The following AGAP1 variants were observed in gnomAD, a reference collection of about 807,000 sequenced individuals.
AGAP1 encodes ArfGAP with GTPase domain, ankyrin repeat and PH domain 1, also known as arf-GAP with GTPase, ANK repeat and PH domain-containing protein 1.
In AGAP1, 29 loss-of-function variants were observed where a neutral mutation model predicts 105.3. That is an observed-to-expected ratio of 0.28 (90% CI 0.21 to 0.38). AGAP1 has a LOEUF of 0.38. Ranked by LOEUF, AGAP1 falls within the 10% of genes least tolerant of loss-of-function variation. The pLI, the probability that AGAP1 is intolerant of heterozygous loss-of-function variation, is 1.00. For synonymous variants in AGAP1, 509 were observed against 485.9 expected (o/e 1.05, Z -0.63); for missense variants, 998 against 1,165.1 (o/e 0.86, Z 2.09).
chr2:235,819,614 A>G (rs1446608728), intron 9 of AGAP1, among the ~76,000 whole-genome samples: 2 of 152,084 alleles, frequency 1.3e-5, no homozygotes, highest in African/African-American at 4.8e-5. Flanking sequence ...CCCGTGTCAG[A>G]TGCCTTCTGT....
rs528876449 is a variant in AGAP1 at position 235,716,661 on chromosome 2, G to A, written c.223-896G>A. 6.6e-6 allele frequency among the ~76,000 whole-genome samples: 1 copy of A among 152,164 alleles called. No individual in the cohort carries two copies. Among genetic ancestry groups the A allele is most frequent in the Non-Finnish European group, 1.5e-5 (1 of 68,038 alleles). On this transcript the variant is annotated intron_variant, in intron 2 of 17. Coordinates refer to ENST00000304032, the MANE Select transcript of AGAP1 (RefSeq NM_001037131.3). This position sits in a 1 kb window ranked among gnomAD's most constrained non-coding sequence, Gnocchi z 4.0. ...TAGTGGGGGAGGAAAAGGTTAAAATGCAGGAGATTTTTGATGAGCAGCTTC... is the reference window on the plus strand; with the variant it reads ...TAGTGGGGGAGGAAAAGGTTAAAATACAGGAGATTTTTGATGAGCAGCTTC...
At chr2:236,108,385 T>G (rs1039727717) in intron 16 of AGAP1, among the ~76,000 whole-genome samples, 2 of 152,150 alleles carry the variant, frequency 1.3e-5, no homozygotes, top group Non-Finnish European at 2.9e-5. Flanking sequence ...GCCCTTCCTC[T>G]CCTCCTTGTC....
intron 1 of AGAP1, among the ~76,000 whole-genome samples, chr2:235,562,063 T>C (rs1451709666): frequency 6.6e-6 from 1 of 152,146 alleles, no homozygotes; most frequent in Non-Finnish European, 1.5e-5. Flanking sequence ...GCTGAGAGAT[T>C]GGGGTATGTG....
At chr2:236,071,972 C>T (rs1352491668) in intron 16 of AGAP1, among the ~76,000 whole-genome samples, 3 of 152,128 alleles carry the variant, frequency 2.0e-5, no homozygotes, top group Non-Finnish European at 4.4e-5. Context: ...CCAAAGACAC[C>T]GGATGACTCT....
chr2:236,002,912 G>A lies in AGAP1; in HGVS notation c.1646-33649G>A, dbSNP rs2056183566. Among the ~76,000 whole-genome samples, 1 of 152,042 alleles carries A rather than the reference G, an allele frequency of 6.6e-6. No homozygotes were observed. Among genetic ancestry groups the A allele is most frequent in the Non-Finnish European group, 1.5e-5 (1 of 68,008 alleles). ...GTTTGTGTGTGAACAGGAGGGCCGG[G>A]GTCGCTGGGTTCCAGGCGCAGCCAT... On this transcript the variant is annotated intron_variant, in intron 13 of 17. Transcript: ENST00000304032. The surrounding 1 kb of genome is among the most constrained non-coding windows in gnomAD (Gnocchi z 4.3).
chr2:236,056,808 G>A lies in AGAP1; in HGVS notation c.2114+7527G>A, dbSNP rs558429607. On this transcript the variant is annotated intron_variant, in intron 16 of 17. Transcript: ENST00000304032. The surrounding 1 kb of genome is among the most constrained non-coding windows in gnomAD (Gnocchi z 4.6). ...ACGTGTGCCAGGGTCACATGGGAGCGCAGGTCAGACTGCAGGCACCAAGAT... is the reference window on the plus strand; with the variant it reads ...ACGTGTGCCAGGGTCACATGGGAGCACAGGTCAGACTGCAGGCACCAAGAT... Among the ~76,000 whole-genome samples the A allele has an allele frequency of 2.0e-5, 3 of 152,236 alleles. No individual in the cohort carries two copies. Among genetic ancestry groups the A allele is most frequent in the Admixed American group, 6.5e-5 (1 of 15,290 alleles).
chr2:235,706,910 T>C (rs1950563218), intron 1 of AGAP1, among the ~76,000 whole-genome samples: 1 of 152,198 alleles, frequency 6.6e-6, no homozygotes, highest in African/African-American at 2.4e-5. Context: ...GAAAGAAGTG[T>C]TTTCCAAATT....
rs2060006030 is a variant in AGAP1, at chr2:236,126,460, T to C, written c.*2338T>C. On this transcript the variant is annotated 3_prime_UTR_variant, in exon 18 of 18. Coordinates refer to ENST00000304032, the MANE Select transcript of AGAP1 (RefSeq NM_001037131.3). The stretch of plus-strand genomic sequence containing the variant: ...ATGCTTTATCATAGTGAAGTTTCTT[T>C]TGAGAAGAAACGGAACTCCTTGAGG... 1 of 152,234 alleles carries C rather than the reference T, an allele frequency of 6.6e-6. No homozygotes were observed. Among genetic ancestry groups the C allele is most frequent in the Admixed American group, 6.5e-5 (1 of 15,280 alleles). 9.4% of individuals were successfully genotyped at this position (152,234 alleles called of 1,614,324 possible).
At position 235,551,749 on chromosome 2, in the gene AGAP1, T is replaced by G. The variant is rs1355341208; in HGVS notation, c.163+56900T>G. On this transcript the variant is annotated intron_variant, in intron 1 of 17. Coordinates refer to ENST00000304032, the MANE Select transcript of AGAP1 (RefSeq NM_001037131.3). This position sits in a 1 kb window ranked among gnomAD's most constrained non-coding sequence, Gnocchi z 4.8. Reference sequence around the variant, plus strand: ...TCTTTAGGGAAAGCAGGACAAACCCTAAAAGACTTTCTCTGAATGTTACCT... The same window carrying G: ...TCTTTAGGGAAAGCAGGACAAACCCGAAAAGACTTTCTCTGAATGTTACCT... Among the ~76,000 whole-genome samples the G allele has an allele frequency of 6.6e-6, 1 of 152,208 alleles. No individual in the cohort carries two copies. The highest frequency in any genetic ancestry group is 1.5e-5 in the Non-Finnish European group (1 of 68,042).
chr2:235,528,364 G>T (rs868652162), intron 1 of AGAP1, among the ~76,000 whole-genome samples: 7 of 46,234 alleles, frequency 1.5e-4, no homozygotes, highest in African/African-American at 4.8e-4. Context: ...CCCCTCCCCC[G>T]CCCCCTCCCC....
chr2:235,707,512 C>T (rs1393812879), intron 1 of AGAP1, among the ~76,000 whole-genome samples: 2 of 135,144 alleles, frequency 1.5e-5, no homozygotes, highest in Non-Finnish European at 3.2e-5. Flanking sequence ...GGCAGATGTG[C>T]CCCCCACTCT....
rs1038102224 is a variant in AGAP1 at position 236,036,171 on chromosome 2, A to G, written c.1646-390A>G. On this transcript the variant is annotated intron_variant, in intron 13 of 17. Transcript: ENST00000304032. The surrounding 1 kb of genome is among the most constrained non-coding windows in gnomAD (Gnocchi z 5.7). ...TGGATCTACGCGAGTGCTTAGATAG[A>G]AATTAACCCTGCAGCCGGAGATTAG... Among the ~76,000 whole-genome samples, 4 of 152,158 alleles carry G rather than the reference A, an allele frequency of 2.6e-5. No homozygotes were observed.
At chr2:235,902,160 G>GTC (rs2051095820) in intron 10 of AGAP1, among the ~76,000 whole-genome samples, 1 of 152,206 alleles carries the variant, frequency 6.6e-6, no homozygotes, top group Non-Finnish European at 1.5e-5. Flanking sequence ...ATCTGCTTCA[G>GTC]TCTGTTGTGA....
In AGAP1 at chr2:235,635,151, T is replaced by C. The variant is rs1946954447; in HGVS notation, c.164-74028T>C. 6.6e-6 allele frequency among the ~76,000 whole-genome samples: 1 copy of C among 152,192 alleles called. No homozygotes were observed. The highest frequency in any genetic ancestry group is 2.1e-4 in the South Asian group (1 of 4,828). On this transcript the variant is annotated intron_variant, in intron 1 of 17. Coordinates refer to ENST00000304032, the MANE Select transcript of AGAP1 (RefSeq NM_001037131.3). The surrounding 1 kb of genome is among the most constrained non-coding windows in gnomAD (Gnocchi z 5.3). ...CTGTGGTATAAGTAGAAAGAGCAGC[T>C]GGACTTAGAGACAGGCGTCCTGAGT... is the stretch of plus-strand genomic sequence containing the variant.
Position 235,662,855 on chromosome 2 carries a change from C to T in AGAP1, c.164-46324C>T, listed in dbSNP as rs926062684. 1.3e-5 allele frequency among the ~76,000 whole-genome samples: 2 copies of T among 152,156 alleles called. No individual in the cohort carries two copies. The highest frequency in any genetic ancestry group is 2.4e-5 in the African/African-American group (1 of 41,442). Reference sequence around the variant, plus strand: ...CTGGCCACTGCTGACTGGTGCATGGCGAGCAGAGGTTTTATTCCATCTTAC... The same window carrying T: ...CTGGCCACTGCTGACTGGTGCATGGTGAGCAGAGGTTTTATTCCATCTTAC... On this transcript the variant is annotated intron_variant, in intron 1 of 17. Coordinates refer to ENST00000304032, the MANE Select transcript of AGAP1 (RefSeq NM_001037131.3). This position sits in a 1 kb window ranked among gnomAD's most constrained non-coding sequence, Gnocchi z 4.2.
chr2:235,693,939 A>C (rs1949867398), intron 1 of AGAP1, among the ~76,000 whole-genome samples: 1 of 152,220 alleles, frequency 6.6e-6, no homozygotes, highest in Non-Finnish European at 1.5e-5. Context: ...GTTGCAAAGC[A>C]TACCAGGAAC....
At chr2:235,914,356 T>G (rs1406925873) in intron 11 of AGAP1, among the ~76,000 whole-genome samples, 1 of 151,650 alleles carries the variant, frequency 6.6e-6, no homozygotes, top group Non-Finnish European at 1.5e-5. Context: ...GATATTGGGG[T>G]GGGGGGAGGA....
chr2:235,614,333 G>A lies in AGAP1; in HGVS notation c.164-94846G>A, dbSNP rs923655413. Among the ~76,000 whole-genome samples, 4 of 152,108 alleles carry A rather than the reference G, an allele frequency of 2.6e-5. No individual in the cohort carries two copies. Among genetic ancestry groups the A allele is most frequent in the African/African-American group, 7.2e-5 (3 of 41,418 alleles). On this transcript the variant is annotated intron_variant, in intron 1 of 17. Coordinates refer to ENST00000304032, the MANE Select transcript of AGAP1 (RefSeq NM_001037131.3). This position sits in a 1 kb window ranked among gnomAD's most constrained non-coding sequence, Gnocchi z 4.7. ...GTGGGATCCGGAAAGGGCTGCTGGC[G>A]AGTGGGAGTTTTCTAGGGAGCCGCT...
chr2:235,742,031 G>A (rs1952621238), intron 4 of AGAP1, among the ~76,000 whole-genome samples: 1 of 152,176 alleles, frequency 6.6e-6, no homozygotes, highest in Non-Finnish European at 1.5e-5. Context: ...GGGATTACAG[G>A]CGTGAGCCAC....
Sources: allele counts gnomAD v4.1 joint callset (sites outside exome capture counted in the v4.1 genomes callset), GRCh38; gene constraint gnomAD v4.1.1; non-coding constraint Gnocchi (gnomAD v3.1); transcripts MANE v1.5; gene names NCBI Gene and HGNC (gene_info 2026-07-23, HGNC 2026-07-21).